Variants in STARD9 observed in about 807,000 individuals in gnomAD.
The protein encoded by STARD9 is stAR-related lipid transfer protein 9.
STARD9 carries 346 observed loss-of-function variants against 399.8 expected under a neutral mutation model. The ratio of observed to expected loss-of-function variants is 0.87; its 90% CI spans 0.79 to 0.95. The LOEUF (loss-of-function observed/expected upper bound fraction) is 0.95, where lower values mean the gene tolerates loss of function less well. Among genes scored for constraint, STARD9 ranks in the 40% least tolerant of loss-of-function variants. The pLI, the probability that STARD9 is intolerant of heterozygous loss-of-function variation, is 0.00. For missense variants in STARD9, 5,832 were observed against 5,667.5 expected, an observed-to-expected ratio of 1.03 and a Z score of -0.93; for synonymous variants, 2,203 against 2,143.5, an observed-to-expected ratio of 1.03 and a Z score of -0.77.
rs1418543940 is a variant in STARD9, at chr15:42,684,693, A to T, written c.3115A>T (p.Arg1039Trp). 6.5e-7 allele frequency: 1 copy of T among 1,537,046 alleles called. No homozygotes were observed. Among genetic ancestry groups the T allele is most frequent in the Non-Finnish European group, 8.7e-7 (1 of 1,146,902 alleles). Residue 1039 changes from arginine (R) to tryptophan (W), a missense_variant, in exon 23 of 33, where the codon AGG becomes TGG. Coordinates refer to ENST00000290607, the MANE Select transcript of STARD9 (RefSeq NM_020759.3). ...WTEYKPPSPS[R>W]ASKRHQRVLA... is the part of the protein sequence containing the mutation. The stretch of plus-strand genomic sequence containing the variant: ...AGAATACAAACCACCTTCTCCAAGC[A>T]GGGCATCAAAAAGGCATCAGAGGGT...
rs1446396123 is a variant in STARD9, at chr15:42,691,375, G to C, written c.9797G>C (p.Gly3266Ala). The change falls in exon 23 of 33, where the codon GGC (glycine) becomes GCC (alanine). Residue 3266 changes from glycine (G) to alanine (A), a missense_variant. Transcript: ENST00000290607. Reference sequence around the variant, plus strand: ...CCTGTGTCCAAGATTTTATCACAGGGCTTCAAAGACCCAGCCACTGTGTCC... The same window carrying C: ...CCTGTGTCCAAGATTTTATCACAGGCCTTCAAAGACCCAGCCACTGTGTCC... ...KPPVSKILSQ[G>A]FKDPATVSLR... 6.5e-7 allele frequency: 1 copy of C among 1,537,076 alleles called. No homozygotes were observed. The highest frequency in any genetic ancestry group is 1.4e-5 in the African/African-American group (1 of 73,008).
rs971835670 is a variant in STARD9, at chr15:42,718,295, C to G, written c.13762+116C>G. ...CAGCCCTCTTTGGAGGCCAGGTACTCAGGTTACCTTGATTGCTCAGCCTAG... is the reference window on the plus strand; with the variant it reads ...CAGCCCTCTTTGGAGGCCAGGTACTGAGGTTACCTTGATTGCTCAGCCTAG... On this transcript the variant is annotated intron_variant, in intron 30 of 32. Transcript: ENST00000290607. 2.4e-6 allele frequency: 3 copies of G among 1,234,672 alleles called. No homozygotes were observed. The African/African-American group carries it at 4.5e-5, about 18-fold the overall frequency. The allele number at this position is 1,234,672 out of a possible 1,614,324, so 76.5% of individuals were successfully genotyped here. A position where few individuals can be genotyped will look rare whatever the true frequency, so the allele number is the denominator to read the frequency against.
intron 15 of STARD9, 112 bp from the exon 16 acceptor site, chr15:42,669,046 A>G: frequency 1.1e-6 from 1 of 901,452 alleles, no homozygotes. Context: ...AGTATCTGGG[A>G]GGATCATAAG....
chr15:42,617,466 G>A (rs1566877624), intron 3 of STARD9, among the ~76,000 whole-genome samples: 1 of 151,798 alleles, frequency 6.6e-6, no homozygotes, highest in Non-Finnish European at 1.5e-5. Flanking sequence ...AGGTTCAAGG[G>A]ATTCTCCTGC....
At chr15:42,675,588 G>C (rs2060293037) in intron 18 of STARD9, 76 bp from the exon 19 acceptor site, 1 of 1,135,036 alleles carries the variant, frequency 8.8e-7, no homozygotes, top group African/African-American at 1.5e-5. Context: ...TTGTCTCACA[G>C]AGCAGTGCCG....
chr15:42,691,528 A>T lies in STARD9; in HGVS notation c.9950A>T (p.His3317Leu). Reference protein sequence around the residue: ...PVTTIFSGPKHSRSSPTPQFS... With the variant: ...PVTTIFSGPKLSRSSPTPQFS... The stretch of plus-strand genomic sequence containing the variant: ...ACTACAATCTTCTCTGGCCCCAAAC[A>T]CTCCAGGTCCTCCCCCACACCACAG... The change falls in exon 23 of 33, where the codon CAC becomes CTC. Residue 3317 changes from histidine (H) to leucine (L), a missense_variant. By Grantham distance (99) the His-to-Leu change is moderately conservative. Around this residue, in one of 2 missense-constraint regions of STARD9, gnomAD observed 5,828 missense variants for 5,651.1 expected, o/e 1.03. Coordinates refer to ENST00000290607, the MANE Select transcript of STARD9 (RefSeq NM_020759.3). 4 of 1,536,432 alleles carry T rather than the reference A, an allele frequency of 2.6e-6. No individual in the cohort carries two copies. The highest frequency in any genetic ancestry group is 3.5e-6 in the Non-Finnish European group (4 of 1,146,704).
At chr15:42,683,767 T>TA (rs2060484928) in intron 22 of STARD9, among the ~76,000 whole-genome samples, 2 of 152,234 alleles carry the variant, frequency 1.3e-5, no homozygotes, top group African/African-American at 4.8e-5. Flanking sequence ...ATAATTATAG[T>TA]TCTGTAGAAT....
At chr15:42,598,047 T>TGTGTGTGTGTGTGTGTG (rs1406205881) in intron 3 of STARD9, among the ~76,000 whole-genome samples, 1 of 149,202 alleles carries the variant, frequency 6.7e-6, no homozygotes, top group Non-Finnish European at 1.5e-5. Flanking sequence ...TGTGTATGTG[T>TGTGTGTGTGTGTGTGTG]TTGAGATGGA....
chr15:42,700,745 C>G (rs981279499), intron 26 of STARD9, among the ~76,000 whole-genome samples: 2 of 151,996 alleles, frequency 1.3e-5, no homozygotes, highest in African/African-American at 4.8e-5. Flanking sequence ...CTCTTTTTTC[C>G]TTAGCTGTGC....
intron 3 of STARD9, among the ~76,000 whole-genome samples, chr15:42,597,891 C>T (rs893947481): frequency 8.6e-5 from 13 of 151,716 alleles, no homozygotes; most frequent in African/African-American, 3.2e-4. Context: ...AGGCTAGTCT[C>T]GAATCCTGAC....
In STARD9 at chr15:42,682,447, G is replaced by C; in HGVS notation, c.2409G>C (p.Gln803His). 6.5e-7 allele frequency: 1 copy of C among 1,537,208 alleles called. No homozygotes were observed. Among genetic ancestry groups the C allele is most frequent in the Non-Finnish European group, 8.7e-7 (1 of 1,146,898 alleles). ...TLCWLQDDST[Q>H]EPPYQVLSPD... The stretch of plus-strand genomic sequence containing the variant: ...GCTGGCTCCAGGATGACAGCACCCA[G>C]GAGCCCCCATACCAGGTCCTCAGCC... Residue 803 changes from glutamine (Q) to histidine (H), a missense_variant, in exon 22 of 33, where the codon CAG (glutamine) becomes CAC (histidine). Coordinates refer to ENST00000290607, the MANE Select transcript of STARD9 (RefSeq NM_020759.3).
chr15:42,665,724 G>A lies in STARD9; in HGVS notation c.1255-62G>A, dbSNP rs1007204730. 3.0e-6 allele frequency: 4 copies of A among 1,344,628 alleles called. 1 individual carries two copies. The South Asian group carries it at 3.7e-5, about 13-fold the overall frequency. 83.3% of individuals were successfully genotyped at this position (1,344,628 alleles called of 1,614,324 possible). On this transcript the variant is annotated intron_variant, in intron 14 of 32. Coordinates refer to ENST00000290607, the MANE Select transcript of STARD9 (RefSeq NM_020759.3). ...TCTTATCCTCCTCCACAAGTGTAAG[G>A]GTGGGACCTACCTGAAGTTCAGACC...
At chr15:42,683,740 T>C (rs2060484193) in intron 22 of STARD9, among the ~76,000 whole-genome samples, 1 of 152,230 alleles carries the variant, frequency 6.6e-6, no homozygotes, top group Non-Finnish European at 1.5e-5. Context: ...AATCATTATT[T>C]TTATTTCTTT....
chr15:42,708,265 A>G (rs936484736), intron 26 of STARD9, among the ~76,000 whole-genome samples: 10 of 152,260 alleles, frequency 6.6e-5, no homozygotes, highest in Non-Finnish European at 7.3e-5. Context: ...AACTTCTTCA[A>G]TGGAAGATGG....
At chr15:42,587,780 A>T (rs2058307064) in intron 3 of STARD9, among the ~76,000 whole-genome samples, 1 of 152,080 alleles carries the variant, frequency 6.6e-6, no homozygotes, top group Non-Finnish European at 1.5e-5. Context: ...GGTCAGGCTG[A>T]TCTCGAACTC....
chr15:42,687,054 A>G lies in STARD9; in HGVS notation c.5476A>G (p.Arg1826Gly). ...TGAGATACCAGTTGATCTGAATACC[A>G]GGGAAGTCATCAGAGAATCAGGTAA... ...TAEIPVDLNT[R>G]EVIRESGKCP... The change falls in exon 23 of 33, where the codon AGG becomes GGG. Residue 1826 changes from arginine to glycine, a missense_variant. By Grantham distance (125) the Arg-to-Gly change is moderately radical. Transcript: ENST00000290607. The G allele has an allele frequency of 6.5e-7, 1 of 1,537,050 alleles. No homozygotes were observed. The highest frequency in any genetic ancestry group is 8.7e-7 in the Non-Finnish European group (1 of 1,146,796).
intron 3 of STARD9, among the ~76,000 whole-genome samples, chr15:42,624,987 T>C (rs1204619825): frequency 6.6e-6 from 1 of 152,220 alleles, no homozygotes; most frequent in Non-Finnish European, 1.5e-5. Context: ...TAGAGATAAG[T>C]AATATTTAAA....
intron 4 of STARD9, among the ~76,000 whole-genome samples, chr15:42,635,234 T>C (rs1385010591): frequency 6.9e-6 from 1 of 145,814 alleles, no homozygotes; most frequent in Non-Finnish European, 1.5e-5. Context: ...CACTCCAGCC[T>C]GGGCAACAAG....
chr15:42,623,018 G>T (rs1271787547), intron 3 of STARD9, among the ~76,000 whole-genome samples: 1 of 152,156 alleles, frequency 6.6e-6, no homozygotes, highest in Non-Finnish European at 1.5e-5. Context: ...TTGGGAGGCG[G>T]AAGCAGGCAG....
Sources: gnomAD v4.1 joint callset for allele counts (sites outside exome capture counted in the v4.1 genomes callset) on GRCh38, gnomAD v4.1.1 for gene constraint, gnomAD v4.1.1 regional missense constraint, MANE v1.5 for transcripts, NCBI Gene and HGNC (gene_info 2026-07-23, HGNC 2026-07-21) for gene names.